Variants in BTAF1 observed in about 807,000 individuals in gnomAD.
BTAF1 encodes TATA-binding protein-associated factor 172.
In BTAF1, 38 loss-of-function variants were observed where a neutral mutation model predicts 227.1. The ratio of observed to expected loss-of-function variants is 0.17; its 90% CI spans 0.13 to 0.22. The LOEUF is 0.22. Among genes scored for constraint, BTAF1 ranks in the 10% least tolerant of loss-of-function variants. BTAF1 has a pLI of 1.00. For synonymous variants in BTAF1, 742 were observed against 751.9 expected (o/e 0.99, Z 0.21); for missense variants, 1,598 against 2,204.0 (o/e 0.73, Z 5.51).
At chr10:91,927,980 CTTTTTTTTTT>C (rs60105160) in intron 1 of BTAF1, among the ~76,000 whole-genome samples, 2 of 121,572 alleles carry the variant, frequency 1.6e-5, no homozygotes, top group African/African-American at 6.2e-5. Context: ...TGCCTTTTTT[CTTTTTTTTTT>C]TTTTTTTTTG....
At chr10:92,025,490 TGAC>T (rs1260847108) in intron 35 of BTAF1, among the ~76,000 whole-genome samples, 2 of 151,912 alleles carry the variant, frequency 1.3e-5, no homozygotes, top group Non-Finnish European at 2.9e-5. Flanking sequence ...CCAAAGCTGC[TGAC>T]TTCAAGAGTA....
In BTAF1 at chr10:91,956,543, T is replaced by C. The variant is rs1408447468; in HGVS notation, c.717T>C (p.Asp239=). Residue 239 remains aspartate, a synonymous_variant, in exon 7 of 38, where the codon GAT becomes GAC. Transcript: ENST00000265990. ...ETNEKSNDST[D]GEPEEKRRKI... ...TATTTTTTAGCAATGATAGCACTGA[T>C]GGGGAGCCAGAAGAAAAGAGACGGA... 1 of 1,603,410 alleles carries C rather than the reference T, an allele frequency of 6.2e-7. No individual in the cohort carries two copies. The highest frequency in any genetic ancestry group is 1.1e-5 in the South Asian group (1 of 88,926).
chr10:92,029,634 G>A lies in BTAF1; in HGVS notation c.*701G>A, dbSNP rs1010847539. 3.2e-4 allele frequency: 48 copies of A among 151,618 alleles called. No homozygotes were observed. The highest frequency in any genetic ancestry group is 3.4e-3 in the Middle Eastern group (1 of 294). The allele number at this position is 151,618 out of a possible 1,614,324, so 9.4% of individuals were successfully genotyped here. Reference sequence around the variant, plus strand: ...TTTTTTTAATTTATCTAATGGCTACGATATAGCCAGATTCAAATAACATAT... The same window carrying A: ...TTTTTTTAATTTATCTAATGGCTACAATATAGCCAGATTCAAATAACATAT... On this transcript the variant is annotated 3_prime_UTR_variant, in exon 38 of 38. Transcript: ENST00000265990.
chr10:92,027,381 C>A, intron 37 of BTAF1, 81 bp downstream of exon 37: 1 of 1,325,406 alleles, frequency 7.5e-7, no homozygotes, highest in Non-Finnish European at 1.0e-6. Context: ...AAAGGAGCAG[C>A]AAAATGCGTT....
At chr10:91,971,860 A>G (rs2676822) in intron 14 of BTAF1, among the ~76,000 whole-genome samples, 45,631 of 151,550 alleles carry the variant, frequency 0.3, 8,410 homozygotes, top group South Asian at 0.52. Flanking sequence ...AATGGAGAAA[A>G]GAGCAGGGAA....
At chr10:91,984,878 C>G (rs1233638166) in intron 19 of BTAF1, among the ~76,000 whole-genome samples, 3 of 152,164 alleles carry the variant, frequency 2.0e-5, no homozygotes, top group Non-Finnish European at 4.4e-5. Context: ...ACCTCTCTAT[C>G]CAACCATGAA....
rs12763600 is a variant in BTAF1 at position 91,954,050 on chromosome 10, A to G, written c.701+177A>G. ...TACTAGGAACTGAGACCACTTCCCC[A>G]GAAAAATCCACATGTACAGACTTTT... is the stretch of plus-strand genomic sequence containing the variant. On this transcript the variant is annotated intron_variant, in intron 6 of 37. Transcript: ENST00000265990. Among the ~76,000 whole-genome samples, 45,931 of 152,068 alleles carry G rather than the reference A, an allele frequency of 0.3. 8,523 individuals carry two copies. Among genetic ancestry groups the G allele is most frequent in the South Asian group, 0.52 (2,496 of 4,806 alleles).
chr10:91,994,465 TA>T, intron 22 of BTAF1, 69 bp from the exon 23 acceptor site: 1 of 1,184,050 alleles, frequency 8.4e-7, no homozygotes, highest in Non-Finnish European at 1.2e-6. Flanking sequence ...GAAAAAGTGC[TA>T]AAAGTTTTTG....
intron 12 of BTAF1, among the ~76,000 whole-genome samples, chr10:91,963,046 CATTATT>C (rs962773254): frequency 1.3e-5 from 2 of 151,824 alleles, no homozygotes; most frequent in African/African-American, 4.8e-5. Flanking sequence ...CTCCTCCTCT[CATTATT>C]AATTATTAAT....
intron 6 of BTAF1, 54 bp downstream of exon 6, chr10:91,953,927 A>G: frequency 6.3e-7 from 1 of 1,594,804 alleles, no homozygotes; most frequent in South Asian, 1.1e-5. Context: ...TGTGGCTTTA[A>G]TCTGTGTCTG....
chr10:91,947,019 T>A (rs1045804047), intron 4 of BTAF1, among the ~76,000 whole-genome samples: 6 of 152,142 alleles, frequency 3.9e-5, no homozygotes, highest in Non-Finnish European at 7.4e-5. Context: ...ATTTTTTAAT[T>A]TTTAGTAGAG....
In BTAF1 at chr10:91,926,682, A is replaced by G. The variant is rs569845056; in HGVS notation, c.14+2592A>G. On this transcript the variant is annotated intron_variant, in intron 1 of 37. Transcript: ENST00000265990. ...AAGTACTCATCTCCTTGAACATTGT[A>G]TCACCTGATAAGTCTCATAGTAAGT... Among the ~76,000 whole-genome samples, 4 of 152,342 alleles carry G rather than the reference A, an allele frequency of 2.6e-5. No homozygotes were observed. In the East Asian group the frequency reaches 5.8e-4, roughly 22 times the overall value.
At chr10:91,984,658 T>C (rs1848280433) in intron 19 of BTAF1, among the ~76,000 whole-genome samples, 1 of 152,190 alleles carries the variant, frequency 6.6e-6, no homozygotes, top group South Asian at 2.1e-4. Context: ...GCTATTATAT[T>C]TTGTCATTTC....
intron 4 of BTAF1, among the ~76,000 whole-genome samples, 179 bp downstream of exon 4, chr10:91,942,747 AG>A (rs1180641746): frequency 6.6e-6 from 1 of 152,210 alleles, no homozygotes; most frequent in Non-Finnish European, 1.5e-5. Context: ...TTTGGTTTAA[AG>A]CTACAATATG....
At chr10:92,009,248 G>A (rs1467896110) in intron 28 of BTAF1, 40 bp downstream of exon 28, 1 of 1,582,848 alleles carries the variant, frequency 6.3e-7, no homozygotes, top group Admixed American at 1.7e-5. Flanking sequence ...TTCATCTGTT[G>A]TCATAATTAA....
chr10:91,960,267 C>A, intron 11 of BTAF1, 113 bp downstream of exon 11: 1 of 1,180,220 alleles, frequency 8.5e-7, no homozygotes, highest in Non-Finnish European at 1.2e-6. Context: ...AGAAGCCAGT[C>A]TTCCAAGATT....
chr10:92,021,324 G>A (rs907614165), intron 34 of BTAF1, among the ~76,000 whole-genome samples: 1 of 152,104 alleles, frequency 6.6e-6, no homozygotes, highest in Non-Finnish European at 1.5e-5. Flanking sequence ...AAACACTTAG[G>A]TGTATTTTGA....
chr10:91,933,548 G>A (rs11186755), intron 1 of BTAF1, among the ~76,000 whole-genome samples: 45,880 of 152,056 alleles, frequency 0.3, 8,502 homozygotes, highest in South Asian at 0.52. Context: ...GTAATATAAT[G>A]TGCAACTTAG....
intron 13 of BTAF1, 64 bp downstream of exon 13, chr10:91,964,265 C>G: frequency 6.6e-7 from 1 of 1,518,778 alleles, no homozygotes; most frequent in South Asian, 1.2e-5. Flanking sequence ...GATAATTCAG[C>G]CTAAACATAA....
Sources: gnomAD v4.1 joint callset for allele counts (sites outside exome capture counted in the v4.1 genomes callset) on GRCh38, gnomAD v4.1.1 for gene constraint, MANE v1.5 for transcripts, NCBI Gene and HGNC (gene_info 2026-07-23, HGNC 2026-07-21) for gene names.